MYH1: variants seen among roughly 807,000 people sequenced by gnomAD.
MYH1 encodes the protein myosin heavy chain 1, also known as myosin-1.
Under a neutral mutation model 225.6 loss-of-function variants are expected in MYH1, and 214 were observed. The observed-to-expected ratio is 0.95, with a 90% CI of 0.85 to 1.06. MYH1 has a LOEUF of 1.06. Ranked by LOEUF, MYH1 falls within the 50% of genes least tolerant of loss-of-function variation. MYH1 has a pLI of 0.00. For synonymous variants in MYH1, 774 were observed against 842.3 expected (o/e 0.92, Z 1.40); for missense variants, 2,098 against 2,344.2 (o/e 0.89, Z 2.17).
chr17:10,508,103 C>A (rs2073133401), intron 16 of MYH1, 147 bp from the exon 17 acceptor site: 1 of 729,178 alleles, frequency 1.4e-6, no homozygotes, highest in Non-Finnish European at 2.3e-6. Context: ...ACTGCAACCT[C>A]CACCTCCTGG....
At chr17:10,506,322 G>C (rs1374458643) in intron 17 of MYH1, among the ~76,000 whole-genome samples, 1 of 152,090 alleles carries the variant, frequency 6.6e-6, no homozygotes, top group Non-Finnish European at 1.5e-5. Flanking sequence ...CTGTTGAAGT[G>C]ACTGTTCGCT....
Position 10,512,206 on chromosome 17 carries a change from A to G in MYH1, c.1148-14T>C, listed in dbSNP as rs2073176785. 1 of 1,609,246 alleles carries G rather than the reference A, an allele frequency of 6.2e-7. No individual in the cohort carries two copies. Among genetic ancestry groups the G allele is most frequent in the Middle Eastern group, 1.7e-4 (1 of 6,046 alleles). On this transcript the variant is annotated splice_polypyrimidine_tract_variant and intron_variant, in intron 12 of 39. Coordinates refer to ENST00000226207, the MANE Select transcript of MYH1 (RefSeq NM_005963.4). ...CCTTGTCAGCAACTGCAGAAACATA[A>G]TTCAGATACCTAATATGACTTACTC...
chr17:10,510,225 T>A (rs192938918), intron 14 of MYH1, among the ~76,000 whole-genome samples: 180 of 152,320 alleles, frequency 1.2e-3, no homozygotes, highest in Non-Finnish European at 1.9e-3. Context: ...ATTATGATTA[T>A]GTTGTAAACT....
chr17:10,517,217 G>A (rs1003450021), intron 2 of MYH1, among the ~76,000 whole-genome samples: 5 of 152,128 alleles, frequency 3.3e-5, no homozygotes, highest in Non-Finnish European at 5.9e-5. Context: ...GAACTATTCT[G>A]TACATGACAG....
chr17:10,492,834 G>A (rs1282529372), intron 39 of MYH1, among the ~76,000 whole-genome samples: 1 of 148,124 alleles, frequency 6.8e-6, no homozygotes, highest in East Asian at 2.1e-4. Flanking sequence ...AATATGCCAG[G>A]TGTCCAGCTT....
chr17:10,517,301 TG>T (rs1194642944), intron 2 of MYH1, among the ~76,000 whole-genome samples: 1 of 152,244 alleles, frequency 6.6e-6, no homozygotes, highest in Non-Finnish European at 1.5e-5. Flanking sequence ...TGTGGCTCTT[TG>T]TTTTGCATTG....
Position 10,501,259 on chromosome 17 carries a change from T to A in MYH1, c.3589A>T (p.Arg1197Trp), listed in dbSNP as rs748399899. ...GCCACACTATCTGCATGCTTCTTCC[T>A]CAGGGTGGCCGCCGTGGCTTCATGC... ...LQHEATAATL[R>W]KKHADSVAEL... Residue 1197 changes from arginine (R) to tryptophan (W), a missense_variant, in exon 27 of 40, where the codon AGG (arginine) becomes TGG (tryptophan). Transcript: ENST00000226207. 2 of 1,614,220 alleles carry A rather than the reference T, an allele frequency of 1.2e-6. No homozygotes were observed. The highest frequency in any genetic ancestry group is 4.5e-5 in the East Asian group (2 of 44,874).
intron 18 of MYH1, 27 bp downstream of exon 18, chr17:10,505,985 C>A (rs1246204124): frequency 6.2e-7 from 1 of 1,614,116 alleles, no homozygotes; most frequent in Non-Finnish European, 8.5e-7. Context: ...CACACTGGAG[C>A]TTGTCTGGAT....
intron 27 of MYH1, 124 bp downstream of exon 27, chr17:10,500,986 C>T: frequency 1.4e-6 from 2 of 1,472,904 alleles, no homozygotes; most frequent in Admixed American, 2.0e-5. Context: ...CTAAGTTGTA[C>T]TATACGTGAT....
At chr17:10,511,019 T>G (rs577826792) in intron 14 of MYH1, among the ~76,000 whole-genome samples, 1 of 151,878 alleles carries the variant, frequency 6.6e-6, no homozygotes, top group Admixed American at 6.6e-5. Flanking sequence ...TTTTAAAAAG[T>G]GTGGATTGCT....
intron 6 of MYH1, among the ~76,000 whole-genome samples, chr17:10,514,645 A>C (rs2073207181): frequency 6.6e-6 from 1 of 152,204 alleles, no homozygotes; most frequent in Non-Finnish European, 1.5e-5. Flanking sequence ...CTACACACCA[A>C]AAAGTTCTGT....
chr17:10,509,743 C>T lies in MYH1; in HGVS notation c.1417-88G>A, dbSNP rs940344948. ...GTGTTTTTTTAGTTAGCCAAATTGC[C>T]CTCTTAGGATGGTATCGTTTTGTCC... is the stretch of plus-strand genomic sequence containing the variant. On this transcript the variant is annotated intron_variant, in intron 14 of 39. Transcript: ENST00000226207. 6 of 1,608,590 alleles carry T rather than the reference C, an allele frequency of 3.7e-6. No individual in the cohort carries two copies. The Admixed American group carries it at 5.0e-5, about 13-fold the overall frequency.
intron 35 of MYH1, among the ~76,000 whole-genome samples, chr17:10,495,593 C>G (rs1190533571): frequency 2.0e-5 from 3 of 151,234 alleles, no homozygotes; most frequent in Non-Finnish European, 4.4e-5. Context: ...AACCCCGTCT[C>G]CACTAAAAAT....
intron 2 of MYH1, among the ~76,000 whole-genome samples, chr17:10,517,210 C>G (rs1467416008): frequency 6.6e-6 from 1 of 152,156 alleles, no homozygotes; most frequent in African/African-American, 2.4e-5. Flanking sequence ...ATTTTAGGAA[C>G]TATTCTGTAC....
In MYH1 at chr17:10,511,983, G is replaced by T; in HGVS notation, c.1272C>A (p.Tyr424Ter). Residue 424 changes from tyrosine to a stop codon, truncating the protein, a stop_gained, in exon 14 of 40, where the codon TAC becomes TAA. Transcript: ENST00000226207. LOFTEE classifies it high-confidence loss of function. Reference sequence around the variant, plus strand: ...CTTTGGCCAGAGCACCCACTGCATTGTACACCTTCACAGATAAAGTTTGTT... The same window carrying T: ...CTTTGGCCAGAGCACCCACTGCATTTTACACCTTCACAGATAAAGTTTGTT... ...VTKGQTVQQV[Y>*]NAVGALAKAV... The T allele has an allele frequency of 6.8e-6, 11 of 1,614,132 alleles. No individual in the cohort carries two copies. The highest frequency in any genetic ancestry group is 9.3e-6 in the Non-Finnish European group (11 of 1,180,022).
intron 24 of MYH1, 72 bp from the exon 25 acceptor site, chr17:10,501,983 C>T: frequency 1.4e-6 from 2 of 1,419,196 alleles, no homozygotes; most frequent in Non-Finnish European, 1.9e-6. Flanking sequence ...AATTTTTAAA[C>T]ATTATATCTA....
rs1356874709 is a variant in MYH1, at chr17:10,514,789, T to A, written c.533+79A>T. 4 of 1,312,392 alleles carry A rather than the reference T, an allele frequency of 3.0e-6. No homozygotes were observed. The African/African-American group carries it at 5.8e-5, about 19-fold the overall frequency. 81.3% of individuals were successfully genotyped at this position (1,312,392 alleles called of 1,614,324 possible). A position where few individuals can be genotyped will look rare whatever the true frequency, so the allele number is the denominator to read the frequency against. ...TCATTCAGTGCTTTAGTAGAGAACA[T>A]TAACTAATTTCTTTTTTTGGTTTGT... On this transcript the variant is annotated intron_variant, in intron 6 of 39. Transcript: ENST00000226207.
intron 24 of MYH1, among the ~76,000 whole-genome samples, chr17:10,502,344 A>G (rs1463462371): frequency 2.0e-5 from 3 of 152,210 alleles, no homozygotes; most frequent in Non-Finnish European, 4.4e-5. Flanking sequence ...TCTGTGAGAG[A>G]AAACCTTATT....
In MYH1 at chr17:10,513,007, A is replaced by T. The variant is rs533869602; in HGVS notation, c.806-42T>A. 4.4e-5 allele frequency: 61 copies of T among 1,386,578 alleles called. No homozygotes were observed. In the Admixed American group the frequency reaches 5.1e-4, roughly 12 times the overall value. 85.9% of individuals were successfully genotyped at this position (1,386,578 alleles called of 1,614,324 possible). On this transcript the variant is annotated intron_variant, in intron 9 of 39. Coordinates refer to ENST00000226207, the MANE Select transcript of MYH1 (RefSeq NM_005963.4). ...ACATCAGATTATGGGGAAAAATTAC[A>T]CAATGTCCTGGAGTGATTTGAGGAC... is the stretch of plus-strand genomic sequence containing the variant.
Sources: allele counts gnomAD v4.1 joint callset (sites outside exome capture counted in the v4.1 genomes callset), GRCh38; gene constraint gnomAD v4.1.1; transcripts MANE v1.5; gene names NCBI Gene and HGNC (gene_info 2026-07-23, HGNC 2026-07-21).